TACC1: variants seen among roughly 807,000 people sequenced by gnomAD.
The protein encoded by TACC1 is transforming acidic coiled-coil containing protein 1.
TACC1 carries 48 observed loss-of-function variants against 84.4 expected under a neutral mutation model. The ratio of observed to expected loss-of-function variants is 0.57; its 90% CI spans 0.45 to 0.72. The LOEUF (loss-of-function observed/expected upper bound fraction) is 0.72. Among genes scored for constraint, TACC1 ranks in the 30% least tolerant of loss-of-function variants. The pLI is 0.00. For missense variants in TACC1, 920 were observed against 973.0 expected, an observed-to-expected ratio of 0.95 and a Z score of 0.72; for synonymous variants, 372 against 376.3, an observed-to-expected ratio of 0.99 and a Z score of 0.13.
At chr8:38,756,816 C>G (rs1810126622) in intron 3 of TACC1, among the ~76,000 whole-genome samples, 1 of 152,208 alleles carries the variant, frequency 6.6e-6, no homozygotes, top group Non-Finnish European at 1.5e-5. Flanking sequence ...GGGGAAAGAG[C>G]ATGCCCTTTG....
intron 3 of TACC1, among the ~76,000 whole-genome samples, chr8:38,822,730 T>C (rs1273207768): frequency 6.6e-6 from 1 of 152,228 alleles, no homozygotes; most frequent in Non-Finnish European, 1.5e-5. Context: ...TTTGTTTACT[T>C]TTTAAAATTT....
In TACC1 at chr8:38,836,162, G is replaced by T. The variant is rs762517543; in HGVS notation, c.1714G>T (p.Gly572Trp). ...TTCAGTGTAATCCCTTTCCCCACAG[G>T]GGCTGCTGGAGTCCTCTGCAGAGAA... ...KMEEDGSTVL[G>W]LLESSAEKAP... Residue 572 changes from glycine (G) to tryptophan (W), a missense_variant and splice_region_variant, in exon 7 of 13, where the codon GGG (glycine) becomes TGG (tryptophan). Transcript: ENST00000317827. 1 of 1,613,014 alleles carries T rather than the reference G, an allele frequency of 6.2e-7. No individual in the cohort carries two copies. The highest frequency in any genetic ancestry group is 1.7e-5 in the Admixed American group (1 of 59,982).
In TACC1 at chr8:38,820,396, A is replaced by G. The variant is rs781765532; in HGVS notation, c.1152A>G (p.Pro384=). The change falls in exon 3 of 13, where the codon CCA becomes CCG. Residue 384 remains proline (P), a synonymous_variant. Coordinates refer to ENST00000317827, the MANE Select transcript of TACC1 (RefSeq NM_006283.3). ...DGPLSQTSSK[P]DPSQWESPSF... is the part of the protein sequence containing the mutation. ...CTCTCTCCCAAACATCTTCCAAGCC[A>G]GATCCTAGTCAGTGGGAAAGCCCCA... 6 of 1,614,074 alleles carry G rather than the reference A, an allele frequency of 3.7e-6. No individual in the cohort carries two copies. The African/African-American group carries it at 8.0e-5, about 22-fold the overall frequency.
At chr8:38,844,698 G>C (rs960814129) in intron 11 of TACC1, among the ~76,000 whole-genome samples, 2 of 152,038 alleles carry the variant, frequency 1.3e-5, no homozygotes, top group East Asian at 3.9e-4. Flanking sequence ...TGTCTTTTGC[G>C]TCCACCTATA....
intron 2 of TACC1, among the ~76,000 whole-genome samples, chr8:38,805,282 A>T (rs1822405367): frequency 6.6e-6 from 1 of 152,246 alleles, no homozygotes; most frequent in Admixed American, 6.5e-5. Context: ...GTCCTTTAAA[A>T]ACACAAATCA....
chr8:38,843,341 A>G lies in TACC1; in HGVS notation c.2174A>G (p.Gln725Arg). 1 of 1,609,666 alleles carries G rather than the reference A, an allele frequency of 6.2e-7. No homozygotes were observed. Among genetic ancestry groups the G allele is most frequent in the Non-Finnish European group, 8.5e-7 (1 of 1,177,864 alleles). ...CAQDYLARVK[Q>R]EEQRYQALKI... is the part of the protein sequence containing the mutation. Reference sequence around the variant, plus strand: ...CAGGATTACTTAGCCAGAGTTAAACAAGAGGAGCAGCGATACCAGGCCCTG... The same window carrying G: ...CAGGATTACTTAGCCAGAGTTAAACGAGAGGAGCAGCGATACCAGGCCCTG... The change falls in exon 11 of 13, where the codon CAA becomes CGA. Residue 725 changes from glutamine (Q) to arginine (R), a missense_variant. Gln to Arg is a conservative substitution (Grantham distance 43). This residue lies in a region of TACC1 where 158 missense variants were observed against 225.6 expected (regional missense o/e 0.70). Coordinates refer to ENST00000317827, the MANE Select transcript of TACC1 (RefSeq NM_006283.3).
intron 3 of TACC1, among the ~76,000 whole-genome samples, chr8:38,756,412 G>A (rs1449242743): frequency 1.3e-5 from 2 of 152,100 alleles, no homozygotes; most frequent in Non-Finnish European, 2.9e-5. Flanking sequence ...CCAGTCTGCT[G>A]GAAAAAGCGC....
chr8:38,813,186 C>G (rs1239241263), intron 2 of TACC1, among the ~76,000 whole-genome samples: 1 of 152,146 alleles, frequency 6.6e-6, no homozygotes, highest in African/African-American at 2.4e-5. Flanking sequence ...CCACCTTGAT[C>G]CACATTCCTC....
chr8:38,761,990 A>G (rs1811298924), intron 3 of TACC1, among the ~76,000 whole-genome samples: 1 of 152,220 alleles, frequency 6.6e-6, no homozygotes, highest in African/African-American at 2.4e-5. Flanking sequence ...TTGCATGACA[A>G]GGGAATTATT....
intron 3 of TACC1, among the ~76,000 whole-genome samples, chr8:38,777,887 T>C (rs1382108628): frequency 1.3e-5 from 2 of 152,180 alleles, no homozygotes; most frequent in Non-Finnish European, 2.9e-5. Flanking sequence ...CCACACCTAG[T>C]TGTAGAGAAG....
At chr8:38,735,235 C>T (rs748174259) in intron 1 of TACC1, among the ~76,000 whole-genome samples, 5 of 152,196 alleles carry the variant, frequency 3.3e-5, no homozygotes, top group Non-Finnish European at 5.9e-5. Context: ...GAAAATGAGG[C>T]TTAAGACAGG....
chr8:38,784,865 T>C (rs1487324198), upstream of TACC1, among the ~76,000 whole-genome samples: 1 of 152,206 alleles, frequency 6.6e-6, no homozygotes, highest in Non-Finnish European at 1.5e-5. Flanking sequence ...GATATGTAAA[T>C]AAATATGTTA....
At position 38,827,156 on chromosome 8, in the gene TACC1, T is replaced by G. The variant is rs749805074; in HGVS notation, c.1453-12T>G. The G allele has an allele frequency of 3.1e-6, 5 of 1,611,362 alleles. No homozygotes were observed. In the African/African-American group the frequency reaches 6.7e-5, roughly 22 times the overall value. On this transcript the variant is annotated splice_polypyrimidine_tract_variant and intron_variant, in intron 4 of 12. Coordinates refer to ENST00000317827, the MANE Select transcript of TACC1 (RefSeq NM_006283.3). The stretch of plus-strand genomic sequence containing the variant: ...TCCTAAAGGGTAGCATCTTCTCTGT[T>G]GTGTTTCTCAGGATGAAGGGGCAGT...
upstream of TACC1, among the ~76,000 whole-genome samples, chr8:38,784,725 A>G (rs1816783645): frequency 6.6e-6 from 1 of 152,218 alleles, no homozygotes; most frequent in Admixed American, 6.5e-5. Flanking sequence ...ACTCACAAGG[A>G]CTATTTGTAA....
chr8:38,783,085 T>C (rs1010288962), upstream of TACC1, among the ~76,000 whole-genome samples: 1 of 110,384 alleles, frequency 9.1e-6, no homozygotes, highest in African/African-American at 4.4e-5. Context: ...TATCTATCTA[T>C]CTATCTATCT....
At chr8:38,781,612 C>G (rs188304750) in intron 3 of TACC1, among the ~76,000 whole-genome samples, 53 of 152,238 alleles carry the variant, frequency 3.5e-4, no homozygotes, top group African/African-American at 1.2e-3. Flanking sequence ...AACTCCTGAC[C>G]TCAGGTGATC....
At chr8:38,744,319 T>C (rs896336376) in intron 2 of TACC1, among the ~76,000 whole-genome samples, 4 of 152,194 alleles carry the variant, frequency 2.6e-5, no homozygotes, top group African/African-American at 7.2e-5. Flanking sequence ...ATTCACCATC[T>C]TGGCCAGGCT....
In TACC1 at chr8:38,852,111, C is replaced by G. The variant is rs1373177366; in HGVS notation, c.*4088C>G. 1 of 329,498 alleles carries G rather than the reference C, an allele frequency of 3.0e-6. No homozygotes were observed. Among genetic ancestry groups the G allele is most frequent in the African/African-American group, 2.2e-5 (1 of 46,474 alleles). The allele number at this position is 329,498 out of a possible 1,614,324, so 20.4% of individuals were successfully genotyped here. A position where few individuals can be genotyped will look rare whatever the true frequency, so the allele number is the denominator to read the frequency against. ...GAAGACCCATCCCCTAGTGCCAGAGCTTGCATCCTGGAGACTAAAGATTGC... is the reference window on the plus strand; with the variant it reads ...GAAGACCCATCCCCTAGTGCCAGAGGTTGCATCCTGGAGACTAAAGATTGC... On this transcript the variant is annotated 3_prime_UTR_variant, in exon 13 of 13. Coordinates refer to ENST00000317827, the MANE Select transcript of TACC1 (RefSeq NM_006283.3).
At chr8:38,824,229 C>T (rs1401035801) in intron 3 of TACC1, among the ~76,000 whole-genome samples, 1 of 152,184 alleles carries the variant, frequency 6.6e-6, no homozygotes, top group Non-Finnish European at 1.5e-5. Context: ...GGCCTTTACA[C>T]CTTAGGTGCT....
Sources: allele counts gnomAD v4.1 joint callset (sites outside exome capture counted in the v4.1 genomes callset), GRCh38; gene constraint gnomAD v4.1.1; regional missense constraint gnomAD v4.1.1; transcripts MANE v1.5; gene names NCBI Gene and HGNC (gene_info 2026-07-23, HGNC 2026-07-21).